ADD3: variants seen among roughly 807,000 people sequenced by gnomAD.
ADD3 encodes adducin 3.
In ADD3, 25 loss-of-function variants were observed where a neutral mutation model predicts 80.2. That is an observed-to-expected ratio of 0.31 (90% CI 0.23 to 0.44). The LOEUF is 0.44. ADD3 is among the 20% of genes least tolerant of loss of function. ADD3 has a pLI of 1.00. For missense variants in ADD3, 829 were observed against 847.5 expected, an observed-to-expected ratio of 0.98 and a Z score of 0.27; for synonymous variants, 284 against 289.6, an observed-to-expected ratio of 0.98 and a Z score of 0.20.
intron 1 of ADD3, among the ~76,000 whole-genome samples, chr10:110,052,030 GGCTTCCCAAGGTGCTGTCTCA>G (rs1177875604): frequency 6.6e-6 from 1 of 152,036 alleles, no homozygotes; most frequent in Non-Finnish European, 1.5e-5. Context: ...CAAGCTCCTG[GGCTTCCCAAGGTGCTGTCTCA>G]GCTTCCCAAG....
intron 1 of ADD3, among the ~76,000 whole-genome samples, chr10:110,052,064 G>A (rs553815797): frequency 3.3e-5 from 5 of 152,296 alleles, no homozygotes; most frequent in Non-Finnish European, 5.9e-5. Flanking sequence ...TTCCCAAGGT[G>A]TTGAGATTAC....
chr10:110,120,805 T>C (rs897755939), intron 8 of ADD3, among the ~76,000 whole-genome samples: 2 of 152,056 alleles, frequency 1.3e-5, no homozygotes, highest in Non-Finnish European at 2.9e-5. Context: ...AACAGAGATA[T>C]AGATAAATGG....
chr10:110,118,673 A>G lies in ADD3; in HGVS notation c.654A>G (p.Ala218=). 1 of 1,614,070 alleles carries G rather than the reference A, an allele frequency of 6.2e-7. No homozygotes were observed. Among genetic ancestry groups the G allele is most frequent in the Non-Finnish European group, 8.5e-7 (1 of 1,179,914 alleles). The change falls in exon 6 of 15, where the codon GCA becomes GCG. Residue 218 remains alanine, a synonymous_variant. Coordinates refer to ENST00000356080, the MANE Select transcript of ADD3 (RefSeq NM_016824.5). ...ATACAGGATTCAGTCCCCATGCTGC[A>G]ATCTATTCAACACGTCCTGATGTTA... ...IDHTGFSPHA[A]IYSTRPDVKC...
chr10:110,067,771 GT>G (rs1409182490), intron 1 of ADD3, among the ~76,000 whole-genome samples: 3 of 152,134 alleles, frequency 2.0e-5, no homozygotes, highest in East Asian at 3.8e-4. Context: ...TTTACATAGA[GT>G]TTATATTTCT....
At chr10:110,070,423 T>G (rs1401619497) in intron 1 of ADD3, among the ~76,000 whole-genome samples, 2 of 152,072 alleles carry the variant, frequency 1.3e-5, no homozygotes, top group Non-Finnish European at 2.9e-5. Context: ...GGTGAATTGA[T>G]TTACCAACTC....
intron 1 of ADD3, among the ~76,000 whole-genome samples, chr10:110,014,911 G>A (rs914393397): frequency 6.7e-6 from 1 of 150,102 alleles, no homozygotes; most frequent in African/African-American, 2.5e-5. Context: ...GTCTCGCACT[G>A]TTGCCAGGCT....
At chr10:110,056,279 C>G (rs1250844992) in intron 1 of ADD3, among the ~76,000 whole-genome samples, 1 of 152,206 alleles carries the variant, frequency 6.6e-6, no homozygotes, top group Non-Finnish European at 1.5e-5. Flanking sequence ...GAGTTACTCA[C>G]TTTCATTTTG....
chr10:110,050,053 T>C (rs1030597394), intron 1 of ADD3, among the ~76,000 whole-genome samples: 44 of 152,272 alleles, frequency 2.9e-4, no homozygotes, highest in African/African-American at 1.0e-3. Flanking sequence ...TTTGATTTTA[T>C]AGGCTCATAG....
intron 1 of ADD3, among the ~76,000 whole-genome samples, chr10:110,086,758 G>T (rs1487363635): frequency 6.6e-6 from 1 of 152,166 alleles, no homozygotes; most frequent in Non-Finnish European, 1.5e-5. Context: ...TGGAACTGTG[G>T]TAAATTAAAC....
rs1853374860 is a variant in ADD3, at chr10:110,133,789, C to T, written c.*171C>T. ...AAGAAAAACTTTCAGATTCATCTCT[C>T]ATTTTATATGTCCAGAAATGGCTTT... On this transcript the variant is annotated 3_prime_UTR_variant, in exon 15 of 15. Coordinates refer to ENST00000356080, the MANE Select transcript of ADD3 (RefSeq NM_016824.5). 5.9e-6 allele frequency: 3 copies of T among 509,724 alleles called. No individual in the cohort carries two copies. The highest frequency in any genetic ancestry group is 3.8e-5 in the Admixed American group (1 of 26,408). The allele number at this position is 509,724 out of a possible 1,614,324, so 31.6% of individuals were successfully genotyped here.
intron 1 of ADD3, among the ~76,000 whole-genome samples, chr10:110,047,496 G>A (rs968481256): frequency 2.0e-5 from 3 of 152,116 alleles, no homozygotes; most frequent in Non-Finnish European, 2.9e-5. Flanking sequence ...CCCATTCCAC[G>A]TCTTCTAAAT....
intron 1 of ADD3, among the ~76,000 whole-genome samples, chr10:110,057,146 C>T (rs566133183): frequency 5.3e-5 from 8 of 152,220 alleles, no homozygotes; most frequent in Non-Finnish European, 1.0e-4. Flanking sequence ...TTTCATACCC[C>T]CAATTCTCCC....
intron 1 of ADD3, among the ~76,000 whole-genome samples, chr10:110,095,911 T>C (rs931163298): frequency 6.6e-6 from 1 of 152,230 alleles, no homozygotes; most frequent in Non-Finnish European, 1.5e-5. Context: ...ATGACAATTA[T>C]AGCAATAGAG....
Position 110,133,415 on chromosome 10 carries a change from G to T in ADD3, c.1918G>T (p.Asp640Tyr), listed in dbSNP as rs1460319808. The change falls in exon 15 of 15, where the codon GAT (aspartate) becomes TAT (tyrosine). Residue 640 changes from aspartate (D) to tyrosine (Y), a missense_variant. Physicochemically the swap from Asp to Tyr is radical, Grantham distance 160 (BLOSUM62 -3). Transcript: ENST00000356080. ...CAAGGATGATATGCATGATGTTGAA[G>T]ATGAGCTTGCTAAGCGAGTGAGTAG... Reference protein sequence around the residue: ...NGKDDMHDVEDELAKRVSRLS... With the variant: ...NGKDDMHDVEYELAKRVSRLS... 2 of 1,613,548 alleles carry T rather than the reference G, an allele frequency of 1.2e-6. No individual in the cohort carries two copies. Among genetic ancestry groups the T allele is most frequent in the Non-Finnish European group, 1.7e-6 (2 of 1,179,662 alleles).
intron 5 of ADD3, among the ~76,000 whole-genome samples, chr10:110,117,909 G>T (rs562437971): frequency 6.6e-6 from 1 of 151,862 alleles, no homozygotes; most frequent in Non-Finnish European, 1.5e-5. Flanking sequence ...CCGGCTACTC[G>T]GGAGGCTGAG....
chr10:110,122,250 C>T lies in ADD3; in HGVS notation c.1101C>T (p.Gly367=). Residue 367 remains glycine (G), a synonymous_variant, in exon 9 of 15, where the codon GGC becomes GGT. Transcript: ENST00000356080. The stretch of plus-strand genomic sequence containing the variant: ...GTTCCCATCAAAAATGGAAGGTTGG[C>T]GAAATTGAGTTTGAAGGGCTTATGA... ...NMGSHQKWKV[G]EIEFEGLMRT... 1.2e-6 allele frequency: 2 copies of T among 1,613,866 alleles called. No homozygotes were observed. Among genetic ancestry groups the T allele is most frequent in the Non-Finnish European group, 1.7e-6 (2 of 1,179,930 alleles).
At chr10:110,024,997 G>T (rs1156456254) in intron 1 of ADD3, among the ~76,000 whole-genome samples, 5 of 151,724 alleles carry the variant, frequency 3.3e-5, no homozygotes, top group Non-Finnish European at 7.4e-5. Flanking sequence ...GGTTCAAGTG[G>T]GTTCTTGTGC....
intron 5 of ADD3, among the ~76,000 whole-genome samples, chr10:110,117,715 G>C (rs1191080296): frequency 1.3e-5 from 2 of 150,130 alleles, no homozygotes; most frequent in Admixed American, 6.6e-5. Context: ...TAAAAAAATT[G>C]TGTAAAAAAA....
At chr10:110,035,838 T>C (rs1855574813) in intron 1 of ADD3, among the ~76,000 whole-genome samples, 2 of 152,176 alleles carry the variant, frequency 1.3e-5, no homozygotes, top group African/African-American at 2.4e-5. Flanking sequence ...CTGTCTCTTA[T>C]GCCACCACTG....
Sources: allele counts gnomAD v4.1 joint callset (sites outside exome capture counted in the v4.1 genomes callset), GRCh38; gene constraint gnomAD v4.1.1; transcripts MANE v1.5; gene names NCBI Gene and HGNC (gene_info 2026-07-23, HGNC 2026-07-21).